The following GMCL1 variants were observed in gnomAD, a reference collection of about 807,000 sequenced individuals.
GMCL1 encodes the protein germ cell-less protein-like 1.
Under a neutral mutation model 75.5 loss-of-function variants are expected in GMCL1, and 54 were observed. The ratio of observed to expected loss-of-function variants is 0.71; its 90% CI spans 0.57 to 0.90. GMCL1 has a LOEUF of 0.90. GMCL1 is among the 40% of genes least tolerant of loss of function. The pLI, the probability that GMCL1 is intolerant of heterozygous loss-of-function variation, is 0.00. For missense variants in GMCL1, 537 were observed against 622.7 expected, an observed-to-expected ratio of 0.86 and a Z score of 1.47; for synonymous variants, 210 against 209.6, an observed-to-expected ratio of 1.00 and a Z score of -0.02.
chr2:69,861,216 G>A, intron 9 of GMCL1, 62 bp from the exon 10 acceptor site: 2 of 1,208,386 alleles, frequency 1.7e-6, no homozygotes, highest in South Asian at 2.7e-5. Context: ...AACTATGAAT[G>A]TTTAAATCCT....
In GMCL1 at chr2:69,843,188, A is replaced by T; in HGVS notation, c.619A>T (p.Thr207Ser). The T allele has an allele frequency of 6.2e-7, 1 of 1,612,436 alleles. No homozygotes were observed. The highest frequency in any genetic ancestry group is 8.5e-7 in the Non-Finnish European group (1 of 1,178,648). Reference protein sequence around the residue: ...IQQCGETMKETVNVKTVCGYY... With the variant: ...IQQCGETMKESVNVKTVCGYY... ...GCAGTGTGGTGAGACAATGAAGGAA[A>T]CAGTTAATGTGAAAACTGTATGTGG... The change falls in exon 5 of 14, where the codon ACA (threonine) becomes TCA (serine). Residue 207 changes from threonine to serine, a missense_variant. By Grantham distance (58) the Thr-to-Ser change is moderately conservative. This residue lies in a region of GMCL1 where 345 missense variants were observed against 410.5 expected (regional missense o/e 0.84). Transcript: ENST00000282570.
chr2:69,837,526 CTT>C lies in GMCL1; in HGVS notation c.261-17_261-16del. 4 of 1,464,032 alleles carry C rather than the reference CTT, an allele frequency of 2.7e-6. No individual in the cohort carries two copies. Among genetic ancestry groups the C allele is most frequent in the Non-Finnish European group, 3.7e-6 (4 of 1,083,058 alleles). The allele number at this position is 1,464,032 out of a possible 1,614,324, so 90.7% of individuals were successfully genotyped here. ...CATTCAGTTTTATATAAATATGTGA[CTT>C]TTTCATTTCTTTTAACAGGAAAAAA... On this transcript the variant is annotated intron_variant, in intron 1 of 13. Transcript: ENST00000282570.
Position 69,857,490 on chromosome 2 carries a change from C to A in GMCL1, c.1072+2530C>A, listed in dbSNP as rs1022589781. ...AGCAATTGTATCAATTTCTGCCACT[C>A]TGTTCCAACTTTCTACCCAATTACC... On this transcript the variant is annotated intron_variant, in intron 9 of 13. Transcript: ENST00000282570. 2.0e-5 allele frequency among the ~76,000 whole-genome samples: 3 copies of A among 152,206 alleles called. No individual in the cohort carries two copies. In the East Asian group the frequency reaches 5.8e-4, roughly 29 times the overall value.
intron 10 of GMCL1, among the ~76,000 whole-genome samples, chr2:69,863,046 A>G (rs566178412): frequency 2.0e-5 from 3 of 152,284 alleles, no homozygotes; most frequent in East Asian, 3.9e-4. Flanking sequence ...CTGCACTAGA[A>G]TAAGTCTTTA....
At chr2:69,855,316 A>G (rs938051225) in intron 9 of GMCL1, among the ~76,000 whole-genome samples, 1 of 152,032 alleles carries the variant, frequency 6.6e-6, no homozygotes, top group Non-Finnish European at 1.5e-5. Context: ...AGTGCTCCTT[A>G]AATTTGTTTA....
chr2:69,845,051 G>GA (rs1291114641), intron 6 of GMCL1: 1 of 156,580 alleles, frequency 6.4e-6, no homozygotes, highest in East Asian at 1.8e-4. Context: ...AGGATTGCTT[G>GA]AATCTAGGAG....
intron 11 of GMCL1, among the ~76,000 whole-genome samples, chr2:69,866,016 T>G (rs12475837): frequency 5.8e-4 from 88 of 152,246 alleles, no homozygotes; most frequent in Admixed American, 4.2e-3. Context: ...TTTGGGAGAC[T>G]GAGGCAGGCA....
At chr2:69,846,116 G>GT (rs549188351) in intron 6 of GMCL1, among the ~76,000 whole-genome samples, 115 of 152,048 alleles carry the variant, frequency 7.6e-4, no homozygotes, top group Non-Finnish European at 1.3e-3. Context: ...AGATTATGGG[G>GT]TTTTTTTCCT....
At chr2:69,852,546 T>G (rs112886862) in intron 8 of GMCL1, among the ~76,000 whole-genome samples, 2 of 131,600 alleles carry the variant, frequency 1.5e-5, no homozygotes, top group African/African-American at 2.5e-5. Flanking sequence ...CTGTCTGTCT[T>G]TTTTTTTTTG....
chr2:69,863,079 G>A (rs1289438023), intron 10 of GMCL1, among the ~76,000 whole-genome samples: 1 of 152,152 alleles, frequency 6.6e-6, no homozygotes, highest in African/African-American at 2.4e-5. Flanking sequence ...AAGAAGTACA[G>A]TCATTTTGGG....
intron 6 of GMCL1, chr2:69,844,887 G>T: frequency 2.8e-6 from 1 of 360,494 alleles, no homozygotes; most frequent in South Asian, 2.1e-5. Flanking sequence ...CTCCTGATGA[G>T]AGAAGTCTGT....
intron 10 of GMCL1, among the ~76,000 whole-genome samples, chr2:69,864,645 T>C (rs1675757211): frequency 6.7e-6 from 1 of 148,730 alleles, no homozygotes; most frequent in Non-Finnish European, 1.5e-5. Flanking sequence ...TTTTTTCCTC[T>C]ACTCTGGTTT....
intron 1 of GMCL1, among the ~76,000 whole-genome samples, chr2:69,837,145 A>T (rs1452253967): frequency 6.6e-6 from 1 of 152,208 alleles, no homozygotes; most frequent in African/African-American, 2.4e-5. Context: ...CTACTTGCAG[A>T]TTATTGCGCT....
intron 1 of GMCL1, among the ~76,000 whole-genome samples, chr2:69,835,248 T>C (rs1461101538): frequency 6.6e-6 from 1 of 152,170 alleles, no homozygotes; most frequent in Non-Finnish European, 1.5e-5. Flanking sequence ...TTTATTTGTT[T>C]TTTTAAATTT....
chr2:69,846,812 T>C (rs954435717), intron 6 of GMCL1, among the ~76,000 whole-genome samples: 6 of 152,060 alleles, frequency 3.9e-5, no homozygotes, highest in African/African-American at 1.4e-4. Context: ...TTTGACGATA[T>C]AGCTGTTTTA....
At chr2:69,876,033 T>C (rs1676120939) in intron 13 of GMCL1, among the ~76,000 whole-genome samples, 1 of 152,208 alleles carries the variant, frequency 6.6e-6, no homozygotes, top group Admixed American at 6.5e-5. Flanking sequence ...AATCATTTGT[T>C]CTAATAGTTT....
In GMCL1 at chr2:69,861,352, GTA is replaced by G; in HGVS notation, c.1142+9_1142+10del. ...AGAACAGGACAGTGAGGTGGGGTAA[GTA>G]TATTATACCTTATCATTTTTCATTA... is the stretch of plus-strand genomic sequence containing the variant. On this transcript the variant is annotated splice_donor_region_variant and intron_variant, in intron 10 of 13. Transcript: ENST00000282570. The G allele has an allele frequency of 6.3e-7, 1 of 1,585,272 alleles. No homozygotes were observed. The highest frequency in any genetic ancestry group is 8.6e-7 in the Non-Finnish European group (1 of 1,157,126).
intron 9 of GMCL1, among the ~76,000 whole-genome samples, chr2:69,856,600 C>G (rs1304190165): frequency 1.3e-5 from 2 of 151,226 alleles, no homozygotes; most frequent in Non-Finnish European, 2.9e-5. Flanking sequence ...TACTATATGC[C>G]CTGGAACCAG....
intron 2 of GMCL1, 101 bp downstream of exon 2, chr2:69,837,771 A>G (rs1308670379): frequency 7.5e-7 from 1 of 1,338,742 alleles, no homozygotes; most frequent in Non-Finnish European, 1.0e-6. Flanking sequence ...TGAACACCAT[A>G]GTGGTTAAAT....
Sources: allele counts gnomAD v4.1 joint callset (sites outside exome capture counted in the v4.1 genomes callset), GRCh38; gene constraint gnomAD v4.1.1; regional missense constraint gnomAD v4.1.1; transcripts MANE v1.5; gene names NCBI Gene and HGNC (gene_info 2026-07-23, HGNC 2026-07-21).